CNTNAP2: variants seen among roughly 807,000 people sequenced by gnomAD.
The protein encoded by CNTNAP2 is contactin-associated protein-like 2.
A neutral mutation model predicts 155.2 loss-of-function variants in CNTNAP2; 98 were observed. The observed-to-expected ratio is 0.63, with a 90% CI of 0.54 to 0.75. The LOEUF is 0.75. CNTNAP2 is among the 30% of genes least tolerant of loss of function. The pLI is 0.00. For synonymous variants in CNTNAP2, 651 were observed against 631.2 expected (o/e 1.03, Z -0.47); for missense variants, 1,727 against 1,688.1 (o/e 1.02, Z -0.40).
At position 147,229,026 on chromosome 7, in the gene CNTNAP2, T is replaced by A. The variant is rs375023873; in HGVS notation, c.1349-71115T>A. 4.7e-5 allele frequency among the ~76,000 whole-genome samples: 7 copies of A among 149,662 alleles called. No homozygotes were observed. The South Asian group carries it at 1.6e-3, about 33-fold the overall frequency. Reference sequence around the variant, plus strand: ...GCTGCATAGTATTCCATGGTGTATATGTGCCACATTTTCTTTATATATATA... The same window carrying A: ...GCTGCATAGTATTCCATGGTGTATAAGTGCCACATTTTCTTTATATATATA... On this transcript the variant is annotated intron_variant, in intron 8 of 23. Coordinates refer to ENST00000361727, the MANE Select transcript of CNTNAP2 (RefSeq NM_014141.6).
chr7:148,222,733 A>T (rs1377685179), intron 19 of CNTNAP2, among the ~76,000 whole-genome samples: 1 of 152,158 alleles, frequency 6.6e-6, no homozygotes, highest in African/African-American at 2.4e-5. Context: ...GATCTTGTAT[A>T]ATGTCTTTAT....
At chr7:146,310,616 G>C (rs1399355936) in intron 1 of CNTNAP2, among the ~76,000 whole-genome samples, 1 of 151,756 alleles carries the variant, frequency 6.6e-6, no homozygotes, top group African/African-American at 2.4e-5. Context: ...ATAACACTAA[G>C]ATTAATTTTT....
chr7:147,630,316 T>TAAAAAAAAAA (rs71183024), intron 12 of CNTNAP2, among the ~76,000 whole-genome samples: 3 of 73,068 alleles, frequency 4.1e-5, no homozygotes, highest in Non-Finnish European at 8.8e-5. Flanking sequence ...GAAACAGTAG[T>TAAAAAAAAAA]AAAAAAAAAA....
chr7:148,387,997 CAG>C (rs1799255646), intron 22 of CNTNAP2, among the ~76,000 whole-genome samples: 1 of 152,108 alleles, frequency 6.6e-6, no homozygotes, highest in African/African-American at 2.4e-5. Context: ...ATAGCAATGT[CAG>C]GAAGTTACCC....
intron 1 of CNTNAP2, among the ~76,000 whole-genome samples, chr7:146,555,488 ATCTG>A (rs137919008): frequency 0.53 from 74,471 of 140,440 alleles, 19,211 homozygotes; most frequent in African/African-American, 0.62. Context: ...ACTCTGTATC[ATCTG>A]TCTGTCTATC....
chr7:147,232,962 C>A lies in CNTNAP2; in HGVS notation c.1349-67179C>A, dbSNP rs1217203849. ...ATTTCATAATTAAAGAAAATTAGTTCTATTATTTCTGTATTTATGAACAAA... is the reference window on the plus strand; with the variant it reads ...ATTTCATAATTAAAGAAAATTAGTTATATTATTTCTGTATTTATGAACAAA... On this transcript the variant is annotated intron_variant, in intron 8 of 23. Transcript: ENST00000361727. Among the ~76,000 whole-genome samples the A allele has an allele frequency of 2.6e-5, 4 of 152,094 alleles. No individual in the cohort carries two copies. In the East Asian group the frequency reaches 7.7e-4, roughly 29 times the overall value.
intron 16 of CNTNAP2, among the ~76,000 whole-genome samples, chr7:148,120,290 AG>A (rs939394504): frequency 4.6e-5 from 7 of 150,846 alleles, no homozygotes; most frequent in Non-Finnish European, 8.9e-5. Flanking sequence ...TTTTTGAGAC[AG>A]GGTGTCACTC....
chr7:147,318,176 T>C (rs1471619236), intron 9 of CNTNAP2, among the ~76,000 whole-genome samples: 1 of 152,176 alleles, frequency 6.6e-6, no homozygotes, highest in Non-Finnish European at 1.5e-5. Flanking sequence ...GCGTTGTGGC[T>C]CACACCTATA....
intron 1 of CNTNAP2, among the ~76,000 whole-genome samples, chr7:146,655,611 A>G (rs1410663985): frequency 6.6e-6 from 1 of 152,062 alleles, no homozygotes; most frequent in African/African-American, 2.4e-5. Context: ...CATGCTTGTG[A>G]ATACAGTAAA....
chr7:146,256,265 T>A (rs1039357750), intron 1 of CNTNAP2, among the ~76,000 whole-genome samples: 1 of 152,164 alleles, frequency 6.6e-6, no homozygotes, highest in East Asian at 1.9e-4. Context: ...AATGTTCTAT[T>A]AAGACAAGTT....
At chr7:147,779,539 A>G (rs1375191207) in intron 13 of CNTNAP2, among the ~76,000 whole-genome samples, 1 of 152,204 alleles carries the variant, frequency 6.6e-6, no homozygotes, top group Non-Finnish European at 1.5e-5. Context: ...GTTTATTATG[A>G]TCAATGTAAT....
At chr7:147,895,668 A>G (rs1799764702) in intron 13 of CNTNAP2, among the ~76,000 whole-genome samples, 1 of 152,124 alleles carries the variant, frequency 6.6e-6, no homozygotes, top group Admixed American at 6.5e-5. Context: ...AAAGCTTTCC[A>G]TTTTTATTGC....
At chr7:148,372,252 A>T (rs1461319835) in intron 21 of CNTNAP2, among the ~76,000 whole-genome samples, 1 of 152,056 alleles carries the variant, frequency 6.6e-6, no homozygotes, top group Non-Finnish European at 1.5e-5. Flanking sequence ...TATATAGGAC[A>T]CCTAACAGGA....
intron 13 of CNTNAP2, among the ~76,000 whole-genome samples, chr7:147,694,368 G>C (rs1354546974): frequency 6.6e-6 from 1 of 151,924 alleles, no homozygotes; most frequent in Non-Finnish European, 1.5e-5. Context: ...GTATGAGTTA[G>C]GACATATTCT....
chr7:148,259,456 A>G (rs138063487), intron 20 of CNTNAP2, among the ~76,000 whole-genome samples: 90 of 152,282 alleles, frequency 5.9e-4, no homozygotes, highest in African/African-American at 2.0e-3. Context: ...AAAAGATGAT[A>G]TATTCTAAAT....
At chr7:148,271,880 A>T (rs913457145) in intron 21 of CNTNAP2, among the ~76,000 whole-genome samples, 1 of 152,058 alleles carries the variant, frequency 6.6e-6, no homozygotes, top group Admixed American at 6.5e-5. Context: ...ACTGATATGT[A>T]CTCCGGCCAG....
At chr7:146,459,049 A>G (rs1464297112) in intron 1 of CNTNAP2, among the ~76,000 whole-genome samples, 1 of 152,174 alleles carries the variant, frequency 6.6e-6, no homozygotes, top group Non-Finnish European at 1.5e-5. Flanking sequence ...ACTACTTAAC[A>G]ATCAGAAGGC....
intron 1 of CNTNAP2, among the ~76,000 whole-genome samples, chr7:146,320,262 T>C (rs1800978530): frequency 1.3e-5 from 2 of 152,102 alleles, no homozygotes; most frequent in Non-Finnish European, 2.9e-5. Context: ...ATATTATACC[T>C]CTGTAGTTTG....
chr7:148,411,449 A>G (rs553531840), intron 23 of CNTNAP2, among the ~76,000 whole-genome samples: 16 of 152,174 alleles, frequency 1.1e-4, no homozygotes, highest in African/African-American at 3.1e-4. Flanking sequence ...TATTTTTAGT[A>G]GAGACAGGAT....
Sources: gnomAD v4.1 joint callset for allele counts (sites outside exome capture counted in the v4.1 genomes callset) on GRCh38, gnomAD v4.1.1 for gene constraint, MANE v1.5 for transcripts, NCBI Gene and HGNC (gene_info 2026-07-23, HGNC 2026-07-21) for gene names.